PAM: variants seen among roughly 807,000 people sequenced by gnomAD.
The protein encoded by PAM is peptidyl-glycine alpha-amidating monooxygenase.
PAM carries 72 observed loss-of-function variants against 122.1 expected under a neutral mutation model. The ratio of observed to expected loss-of-function variants is 0.59; its 90% CI spans 0.49 to 0.72. The LOEUF is 0.72. Ranked by LOEUF, PAM falls within the 30% of genes least tolerant of loss-of-function variation. The pLI is 0.00. For synonymous variants in PAM, 389 were observed against 404.4 expected (o/e 0.96, Z 0.46); for missense variants, 1,106 against 1,183.7 (o/e 0.93, Z 0.96).
At chr5:102,892,524 T>C (rs1163316733) in intron 3 of PAM, among the ~76,000 whole-genome samples, 4 of 151,830 alleles carry the variant, frequency 2.6e-5, no homozygotes, top group African/African-American at 9.7e-5. Flanking sequence ...TAATTTAGTA[T>C]TATCTTTGTG....
At chr5:102,861,813 C>G (rs908333486) in intron 1 of PAM, among the ~76,000 whole-genome samples, 2 of 152,112 alleles carry the variant, frequency 1.3e-5, no homozygotes, top group Admixed American at 1.3e-4. Context: ...ATACTTGCAG[C>G]ATTTCTATAA....
At chr5:102,912,439 A>G (rs1801684180) in intron 4 of PAM, among the ~76,000 whole-genome samples, 1 of 152,050 alleles carries the variant, frequency 6.6e-6, no homozygotes, top group African/African-American at 2.4e-5. Context: ...ATAAAAGACC[A>G]GTACTCCTAC....
chr5:102,871,933 A>G (rs1025554804), intron 3 of PAM, among the ~76,000 whole-genome samples: 1 of 151,954 alleles, frequency 6.6e-6, no homozygotes, highest in African/African-American at 2.4e-5. Context: ...TTAAGAACTT[A>G]CAAGTGCAAA....
chr5:102,938,667 A>G (rs1201445732), intron 7 of PAM, among the ~76,000 whole-genome samples: 2 of 152,122 alleles, frequency 1.3e-5, no homozygotes, highest in African/African-American at 4.8e-5. Flanking sequence ...TCAGAGCTAC[A>G]TAGTCATCAT....
intron 1 of PAM, among the ~76,000 whole-genome samples, chr5:102,775,489 C>A (rs1270247382): frequency 6.6e-6 from 1 of 152,032 alleles, no homozygotes; most frequent in East Asian, 1.9e-4. Flanking sequence ...TGATGCTCTC[C>A]CTCCCCACCA....
At chr5:102,986,419 CAGT>C (rs1374513801) in intron 15 of PAM, among the ~76,000 whole-genome samples, 1 of 152,122 alleles carries the variant, frequency 6.6e-6, no homozygotes, top group East Asian at 1.9e-4. Context: ...ATGTGAAAAT[CAGT>C]AGCATTTTTA....
intron 14 of PAM, among the ~76,000 whole-genome samples, chr5:102,971,878 A>C (rs967598989): frequency 2.6e-5 from 4 of 152,194 alleles, no homozygotes; most frequent in African/African-American, 9.6e-5. Context: ...GCACATAGGA[A>C]TGTAAGAGAT....
At chr5:102,856,813 G>T (rs1280835347) in intron 1 of PAM, among the ~76,000 whole-genome samples, 1 of 152,056 alleles carries the variant, frequency 6.6e-6, no homozygotes, top group Admixed American at 6.6e-5. Context: ...TAGGTACCCA[G>T]CCAATTTTGA....
chr5:102,886,337 G>A (rs1266630005), intron 3 of PAM, among the ~76,000 whole-genome samples: 1 of 151,928 alleles, frequency 6.6e-6, no homozygotes, highest in Non-Finnish European at 1.5e-5. Context: ...ATATTATAAT[G>A]TACATATGAG....
intron 1 of PAM, among the ~76,000 whole-genome samples, chr5:102,775,513 C>T (rs1232755103): frequency 6.6e-6 from 1 of 152,028 alleles, no homozygotes; most frequent in African/African-American, 2.4e-5. Flanking sequence ...CCCGAAAGGC[C>T]CCAGTGTGTG....
intron 1 of PAM, among the ~76,000 whole-genome samples, chr5:102,766,020 A>G (rs1208304911): frequency 1.3e-5 from 2 of 152,116 alleles, no homozygotes; most frequent in Non-Finnish European, 2.9e-5. Context: ...ATACACATAC[A>G]AGAAAGGGTA....
intron 3 of PAM, among the ~76,000 whole-genome samples, chr5:102,900,129 A>G (rs1024599963): frequency 2.0e-5 from 3 of 151,244 alleles, no homozygotes; most frequent in Non-Finnish European, 4.4e-5. Context: ...GGTTTTGGCT[A>G]GAACAAATAA....
chr5:102,936,676 A>C (rs1473052129), intron 7 of PAM, among the ~76,000 whole-genome samples: 1 of 152,064 alleles, frequency 6.6e-6, no homozygotes, highest in African/African-American at 2.4e-5. Context: ...TGTATATTTT[A>C]TTATTATTTG....
At chr5:102,769,290 C>T (rs1755059158) in intron 1 of PAM, among the ~76,000 whole-genome samples, 2 of 152,038 alleles carry the variant, frequency 1.3e-5, no homozygotes, top group South Asian at 2.1e-4. Flanking sequence ...TATTTTCTCC[C>T]GTTCTGCAGA....
Position 102,937,647 on chromosome 5 carries a change from A to G in PAM, c.527-9190A>G, listed in dbSNP as rs551279641. 4.3e-4 allele frequency among the ~76,000 whole-genome samples: 66 copies of G among 152,180 alleles called. 1 individual carries two copies. Among genetic ancestry groups the G allele is most frequent in the Non-Finnish European group, 8.5e-4 (58 of 68,032 alleles). On this transcript the variant is annotated intron_variant, in intron 7 of 25. Coordinates refer to ENST00000438793, the MANE Select transcript of PAM (RefSeq NM_001177306.2). ...TGACAGAATGAGAACAGCCTAACTAAAAGGGATCATCAGGCCTCACCCTTC... is the reference window on the plus strand; with the variant it reads ...TGACAGAATGAGAACAGCCTAACTAGAAGGGATCATCAGGCCTCACCCTTC...
chr5:102,776,490 T>C (rs941054069), intron 1 of PAM, among the ~76,000 whole-genome samples: 1 of 152,186 alleles, frequency 6.6e-6, no homozygotes, highest in African/African-American at 2.4e-5. Flanking sequence ...AAGTCTTTAA[T>C]CCATCTTGAG....
chr5:102,938,803 G>C (rs578164647), intron 7 of PAM, among the ~76,000 whole-genome samples: 2 of 152,226 alleles, frequency 1.3e-5, no homozygotes, highest in South Asian at 4.1e-4. Context: ...TTCTGTTTCA[G>C]TGAAATGTAG....
chr5:102,911,464 G>A (rs561239761), intron 4 of PAM, among the ~76,000 whole-genome samples: 54 of 152,060 alleles, frequency 3.6e-4, no homozygotes, highest in Non-Finnish European at 6.3e-4. Context: ...AAATAAATAA[G>A]TGGTACTTAA....
intron 1 of PAM, among the ~76,000 whole-genome samples, chr5:102,863,467 C>A (rs73192729): frequency 0.015 from 2,208 of 152,134 alleles, 43 homozygotes; most frequent in African/African-American, 0.051. Context: ...AATTCTGAGT[C>A]TCTTTTTATA....
Sources: allele counts gnomAD v4.1 joint callset (sites outside exome capture counted in the v4.1 genomes callset), GRCh38; gene constraint gnomAD v4.1.1; transcripts MANE v1.5; gene names NCBI Gene and HGNC (gene_info 2026-07-23, HGNC 2026-07-21).